Variants in ATXN1 observed in about 807,000 individuals in gnomAD.
The protein encoded by ATXN1 is ataxin 1.
In ATXN1, 8 loss-of-function variants were observed where a neutral mutation model predicts 56.4. That is an observed-to-expected ratio of 0.14 (90% CI 0.08 to 0.26). The LOEUF is 0.26. ATXN1 is among the 10% of genes least tolerant of loss of function. The probability of loss-of-function intolerance (pLI) is 1.00; values close to 1 mark genes in which losing one functional copy is unlikely to be tolerated. For missense variants in ATXN1, 987 were observed against 1,106.5 expected (o/e 0.89, Z 1.53); for synonymous variants, 514 against 494.6 (o/e 1.04, Z -0.52).
intron 3 of ATXN1, among the ~76,000 whole-genome samples, chr6:16,617,640 G>A (rs1232867681): frequency 5.9e-5 from 9 of 151,788 alleles, no homozygotes; most frequent in Admixed American, 2.0e-4. Flanking sequence ...GGTGGCGGGC[G>A]CCTGCAGTCC....
intron 2 of ATXN1, among the ~76,000 whole-genome samples, chr6:16,728,695 C>T (rs772461572): frequency 7.2e-5 from 11 of 152,204 alleles, no homozygotes; most frequent in Non-Finnish European, 1.3e-4. Flanking sequence ...ATAATCCCCA[C>T]TCTTCAGATG....
intron 6 of ATXN1, among the ~76,000 whole-genome samples, chr6:16,471,242 C>G (rs1442875936): frequency 6.6e-6 from 1 of 151,488 alleles, no homozygotes; most frequent in Non-Finnish European, 1.5e-5. Flanking sequence ...TTGAAAAGGG[C>G]TTCATCAGAA....
chr6:16,404,850 C>A (rs918420721), intron 6 of ATXN1, among the ~76,000 whole-genome samples: 8 of 152,124 alleles, frequency 5.3e-5, no homozygotes, highest in Non-Finnish European at 1.2e-4. Flanking sequence ...GAGGGTCCCA[C>A]CCCCACCTCA....
intron 6 of ATXN1, among the ~76,000 whole-genome samples, chr6:16,468,779 T>C (rs1760159067): frequency 2.0e-5 from 3 of 152,164 alleles, no homozygotes; most frequent in South Asian, 2.1e-4. Flanking sequence ...ATTGGAAATA[T>C]TGAGATTTAG....
intron 6 of ATXN1, among the ~76,000 whole-genome samples, chr6:16,373,342 C>T (rs537456419): frequency 6.6e-6 from 1 of 152,312 alleles, no homozygotes; most frequent in Admixed American, 6.5e-5. Flanking sequence ...TTTCTATCTG[C>T]TTCACGGGCA....
chr6:16,398,595 G>A (rs1033447621), intron 6 of ATXN1, among the ~76,000 whole-genome samples: 2 of 152,020 alleles, frequency 1.3e-5, no homozygotes, highest in African/African-American at 2.4e-5. Flanking sequence ...GCACAAATAC[G>A]TGTGTTTTGT....
chr6:16,461,934 A>G (rs929382643), intron 6 of ATXN1, among the ~76,000 whole-genome samples: 1 of 152,216 alleles, frequency 6.6e-6, no homozygotes, highest in African/African-American at 2.4e-5. Context: ...AATTCTCCTC[A>G]CAAAATGGGG....
At chr6:16,312,231 T>A (rs1031281448) in intron 7 of ATXN1, among the ~76,000 whole-genome samples, 1 of 152,232 alleles carries the variant, frequency 6.6e-6, no homozygotes. Flanking sequence ...AAAGTCAGGA[T>A]ACAGATACAC....
At chr6:16,430,335 GA>G (rs11302453) in intron 6 of ATXN1, among the ~76,000 whole-genome samples, 97,513 of 144,974 alleles carry the variant, frequency 0.67, 32,706 homozygotes, top group African/African-American at 0.79. Context: ...GGAAGGATAG[GA>G]AAAAAAAAAA....
intron 6 of ATXN1, among the ~76,000 whole-genome samples, chr6:16,329,092 GT>G (rs377343594): frequency 1.3e-5 from 2 of 151,046 alleles, no homozygotes; most frequent in South Asian, 2.1e-4. Flanking sequence ...CCTCTCTCCT[GT>G]TTTTTTTTCT....
Position 16,614,683 on chromosome 6 carries a change from G to A in ATXN1, c.-488-28776C>T, listed in dbSNP as rs534581183. Reference sequence around the variant, plus strand: ...CATGCCTGTAACCCCAGCACTTTGGGAGGCTGAAGCGGGTGGATCACTTGA... The same window carrying A: ...CATGCCTGTAACCCCAGCACTTTGGAAGGCTGAAGCGGGTGGATCACTTGA... On this transcript the variant is annotated intron_variant, in intron 3 of 7. Coordinates refer to ENST00000436367, the MANE Select transcript of ATXN1 (RefSeq NM_001128164.2). Among the ~76,000 whole-genome samples the A allele has an allele frequency of 2.1e-4, 32 of 151,820 alleles. 1 individual carries two copies. The East Asian group carries it at 4.7e-3, about 22-fold the overall frequency.
chr6:16,306,574 C>A lies in ATXN1; in HGVS notation c.2203G>T (p.Ala735Ser), dbSNP rs780373373. 6.2e-7 allele frequency: 1 copy of A among 1,614,240 alleles called. No homozygotes were observed. The highest frequency in any genetic ancestry group is 1.7e-5 in the Admixed American group (1 of 60,032). ...TCGCCATTCTCAGAGAGCATCTGGG[C>A]ACTCCCCTGGTTGATTCCGTTTTCC... ...EQENGINQGS[A>S]QMLSENGELK... Residue 735 changes from alanine (A) to serine (S), a missense_variant, in exon 8 of 8, where the codon GCC (alanine) becomes TCC (serine). By Grantham distance (99) the Ala-to-Ser change is moderately conservative. Coordinates refer to ENST00000436367, the MANE Select transcript of ATXN1 (RefSeq NM_001128164.2). The surrounding 1 kb of genome is among the most constrained non-coding windows in gnomAD (Gnocchi z 5.2).
At chr6:16,333,826 C>A (rs183430353) in intron 6 of ATXN1, among the ~76,000 whole-genome samples, 4 of 152,186 alleles carry the variant, frequency 2.6e-5, no homozygotes, top group Non-Finnish European at 5.9e-5. Flanking sequence ...CATCACTAAA[C>A]TGGAAGGCCT....
intron 2 of ATXN1, among the ~76,000 whole-genome samples, chr6:16,673,032 A>AAAAAG (rs1319877395): frequency 4.0e-5 from 6 of 151,516 alleles, no homozygotes; most frequent in East Asian, 3.9e-4. Context: ...AAAAAAAAAA[A>AAAAAG]AAAAGAAAAG....
rs150789955 is a variant in ATXN1, at chr6:16,566,858, AAACAAC to A, written c.-361+18916_-361+18921del. Reference sequence around the variant, plus strand: ...GCAACAGAGTGAGACTCCGTCTCAAAAACAACAACAACAACAACAACAACAAAAACA... The same window carrying A: ...GCAACAGAGTGAGACTCCGTCTCAAAAACAACAACAACAACAACAAAAACA... On this transcript the variant is annotated intron_variant, in intron 4 of 7. Transcript: ENST00000436367. Among the ~76,000 whole-genome samples, 624 of 150,730 alleles carry A rather than the reference AAACAAC, an allele frequency of 4.1e-3. 4 individuals carry two copies. Among genetic ancestry groups the A allele is most frequent in the African/African-American group, 0.014 (588 of 41,026 alleles).
At chr6:16,668,028 G>T (rs534466056) in intron 2 of ATXN1, among the ~76,000 whole-genome samples, 1 of 152,000 alleles carries the variant, frequency 6.6e-6, no homozygotes, top group Non-Finnish European at 1.5e-5. Context: ...TGTGAGTCTC[G>T]GCTTTCGTAA....
chr6:16,712,782 C>A (rs780569360), intron 2 of ATXN1, among the ~76,000 whole-genome samples: 1 of 151,256 alleles, frequency 6.6e-6, no homozygotes, highest in Non-Finnish European at 1.5e-5. Context: ...GGGCTAACGT[C>A]CTGCCTGTGG....
intron 4 of ATXN1, among the ~76,000 whole-genome samples, chr6:16,525,174 T>C (rs968031447): frequency 6.6e-6 from 1 of 152,198 alleles, no homozygotes; most frequent in East Asian, 1.9e-4. Context: ...ACTGGGTATA[T>C]ACTCAAAAGA....
rs189327350 is a variant in ATXN1 at position 16,757,618 on chromosome 6, A to C, written c.-730+3680T>G. Among the ~76,000 whole-genome samples the C allele has an allele frequency of 3.3e-5, 5 of 152,342 alleles. No individual in the cohort carries two copies. In the East Asian group the frequency reaches 9.6e-4, roughly 29 times the overall value. On this transcript the variant is annotated intron_variant, in intron 1 of 7. Transcript: ENST00000436367. The stretch of plus-strand genomic sequence containing the variant: ...GGGAATAGAGTTGAGTAGCTCTCTC[A>C]ATCCTAGCCCTGGGGGAAAAAATTT...
Sources: allele counts gnomAD v4.1 joint callset (sites outside exome capture counted in the v4.1 genomes callset), GRCh38; gene constraint gnomAD v4.1.1; non-coding constraint Gnocchi (gnomAD v3.1); transcripts MANE v1.5; gene names NCBI Gene and HGNC (gene_info 2026-07-23, HGNC 2026-07-21).